GSN: variants seen among roughly 807,000 people sequenced by gnomAD.
GSN encodes actin-depolymerizing factor.
In GSN, 56 loss-of-function variants were observed where a neutral mutation model predicts 85.7. That is an observed-to-expected ratio of 0.65 (90% CI 0.53 to 0.82). The LOEUF is 0.82. Ranked by LOEUF, GSN falls within the 40% of genes least tolerant of loss-of-function variation. GSN has a pLI of 0.00. For synonymous variants in GSN, 373 were observed against 399.1 expected (o/e 0.93, Z 0.78); for missense variants, 857 against 979.8 (o/e 0.87, Z 1.67).
upstream of GSN, among the ~76,000 whole-genome samples, chr9:121,205,626 CAG>C (rs376184173): frequency 6.6e-6 from 1 of 152,222 alleles, no homozygotes; most frequent in African/African-American, 2.4e-5. Flanking sequence ...AAGTGTCCAT[CAG>C]AGAGGAGTGT....
At chr9:121,330,838 G>A (rs1246242398) in intron 16 of GSN, among the ~76,000 whole-genome samples, 1 of 152,046 alleles carries the variant, frequency 6.6e-6, no homozygotes, top group Non-Finnish European at 1.5e-5. Context: ...CATATTTGTT[G>A]GATAAATAAA....
rs544434229 is a variant in GSN at position 121,211,365 on chromosome 9, AAAAC to A, written c.-528+514_-528+517del. On this transcript the variant is annotated intron_variant, in intron 4 of 24. Transcript: ENST00000373823. ...CCACATAAAAAAGCATATGACAGCA[AAAAC>A]AAACAAACAAACAAAGCTGAAAAAA... 5.1e-4 allele frequency among the ~76,000 whole-genome samples: 77 copies of A among 152,354 alleles called. 1 individual carries two copies. In the East Asian group the frequency reaches 6.9e-3, roughly 14 times the overall value.
chr9:121,299,408 C>T lies in GSN; in HGVS notation c.-9-2555C>T, dbSNP rs891592859. ...AGTTGCTTCACCACTCTGCGCTGTT[C>T]CCCCCTCTGTAAAATGGGTTGGCCG... On this transcript the variant is annotated intron_variant, in intron 2 of 17. Transcript: ENST00000432226. The surrounding 1 kb of genome is among the most constrained non-coding windows in gnomAD (Gnocchi z 4.2). 1.3e-5 allele frequency: 13 copies of T among 974,372 alleles called. No individual in the cohort carries two copies. In the African/African-American group the frequency reaches 2.3e-4, roughly 17 times the overall value. 60.4% of individuals were successfully genotyped at this position (974,372 alleles called of 1,614,324 possible). A position where few individuals can be genotyped will look rare whatever the true frequency, so the allele number is the denominator to read the frequency against.
intron 6 of GSN, 194 bp downstream of exon 6, chr9:121,312,682 C>T: frequency 3.9e-6 from 2 of 512,918 alleles, no homozygotes; most frequent in Non-Finnish European, 6.7e-6. Flanking sequence ...AGCTGGAGTG[C>T]AGGGGCGCCA....
chr9:121,205,300 T>A (rs1454948517), upstream of GSN, among the ~76,000 whole-genome samples: 1 of 152,224 alleles, frequency 6.6e-6, no homozygotes, highest in Non-Finnish European at 1.5e-5. Flanking sequence ...AGACGCCTTC[T>A]TTCTGTCCCC....
chr9:121,238,740 G>A (rs1379006090), intron 5 of GSN: 11 of 443,258 alleles, frequency 2.5e-5, no homozygotes, highest in Non-Finnish European at 4.1e-5. Flanking sequence ...CTCATAGACA[G>A]TGTGATTTTC....
intron 2 of GSN, among the ~76,000 whole-genome samples, chr9:121,293,046 G>A (rs1008903927): frequency 2.0e-5 from 3 of 152,154 alleles, no homozygotes; most frequent in African/African-American, 4.8e-5. Flanking sequence ...TGGGAGGCTT[G>A]GGGACACAGA....
At chr9:121,321,234 T>C (rs1167088944) in intron 10 of GSN, 34 bp from the exon 11 acceptor site, 2 of 1,612,470 alleles carry the variant, frequency 1.2e-6, no homozygotes, top group Middle Eastern at 1.7e-4. Flanking sequence ...GTGGGGGTGC[T>C]GCACAGCATC....
At chr9:121,212,275 A>G (rs1433258743) in intron 4 of GSN, among the ~76,000 whole-genome samples, 2 of 152,030 alleles carry the variant, frequency 1.3e-5, no homozygotes, top group East Asian at 1.9e-4. Context: ...TTAAATTCCA[A>G]CTCTGCAGTT....
chr9:121,299,798 G>T lies in GSN; in HGVS notation c.-9-2165G>T. 1 of 1,263,572 alleles carries T rather than the reference G, an allele frequency of 7.9e-7. No individual in the cohort carries two copies. The allele number at this position is 1,263,572 out of a possible 1,614,324, so 78.3% of individuals were successfully genotyped here. On this transcript the variant is annotated intron_variant, in intron 2 of 17. Transcript: ENST00000432226. This position sits in a 1 kb window ranked among gnomAD's most constrained non-coding sequence, Gnocchi z 4.2. Reference sequence around the variant, plus strand: ...CCGGCTTGGGCGGGATGGGCGGGCGGCTACTTAAGGTCGGCGACCCGAGGC... The same window carrying T: ...CCGGCTTGGGCGGGATGGGCGGGCGTCTACTTAAGGTCGGCGACCCGAGGC...
intron 6 of GSN, among the ~76,000 whole-genome samples, chr9:121,248,791 G>A (rs1202604621): frequency 7.6e-6 from 1 of 131,156 alleles, no homozygotes; most frequent in African/African-American, 2.4e-5. Context: ...TTGGTGGGGT[G>A]GGCAGGGGAG....
chr9:121,221,775 C>T (rs2054174310), intron 4 of GSN, among the ~76,000 whole-genome samples: 1 of 152,198 alleles, frequency 6.6e-6, no homozygotes, highest in Non-Finnish European at 1.5e-5. Flanking sequence ...AGCACATAGT[C>T]AAAGAGGCTG....
chr9:121,324,361 G>A (rs902175688), intron 11 of GSN, among the ~76,000 whole-genome samples, 193 bp from the exon 12 acceptor site: 1 of 152,196 alleles, frequency 6.6e-6, no homozygotes, highest in African/African-American at 2.4e-5. Flanking sequence ...CTCTGTAAGC[G>A]GGCAAGATGC....
At chr9:121,326,411 C>A (rs1156833363) in intron 12 of GSN, 101 bp from the exon 13 acceptor site, 4 of 945,466 alleles carry the variant, frequency 4.2e-6, no homozygotes, top group Non-Finnish European at 6.7e-6. Context: ...CACACAGACA[C>A]AAGCATGATG....
intron 1 of GSN, among the ~76,000 whole-genome samples, chr9:121,270,378 T>C (rs1288539214): frequency 1.3e-5 from 2 of 152,162 alleles, no homozygotes; most frequent in Non-Finnish European, 2.9e-5. Flanking sequence ...ACGAGGCTGA[T>C]CTGGAGGCAG....
Position 121,321,380 on chromosome 9 carries a change from A to G in GSN, c.1304A>G (p.Gln435Arg). Residue 435 changes from glutamine (Q) to arginine (R), a missense_variant, in exon 11 of 18, where the codon CAG (glutamine) becomes CGG (arginine). Transcript: ENST00000432226. ...ILYNYRHGGR[Q>R]GQIIYNWQGA... ...TACAACTACCGCCATGGTGGCCGCC[A>G]GGGGCAGATAATCTATAACTGGTGA... The G allele has an allele frequency of 1.2e-6, 2 of 1,614,126 alleles. No individual in the cohort carries two copies. Among genetic ancestry groups the G allele is most frequent in the Non-Finnish European group, 1.7e-6 (2 of 1,179,990 alleles).
chr9:121,295,770 G>C lies in GSN; in HGVS notation c.-9-6193G>C, dbSNP rs1196931093. Among the ~76,000 whole-genome samples, 3 of 152,198 alleles carry C rather than the reference G, an allele frequency of 2.0e-5. 1 individual carries two copies. Among genetic ancestry groups the C allele is most frequent in the Non-Finnish European group, 2.9e-5 (2 of 68,022 alleles). The stretch of plus-strand genomic sequence containing the variant: ...GGCAGACACAGAGAATCTGCCTACT[G>C]TGTGCCTGGAGCTGGGCAGGATCCA... On this transcript the variant is annotated intron_variant, in intron 2 of 17. Transcript: ENST00000432226.
chr9:121,311,495 G>A (rs1206309651), intron 5 of GSN: 1 of 157,666 alleles, frequency 6.3e-6, no homozygotes, highest in Non-Finnish European at 1.4e-5. Flanking sequence ...GGCACACAGA[G>A]GAGTGTGTGA....
upstream of GSN, chr9:121,203,124 C>CA (rs1178601046): frequency 8.2e-3 from 793 of 97,162 alleles, 4 homozygotes; most frequent in African/African-American, 0.017. Context: ...GAGACTGTCT[C>CA]AAAAAAAAAA....
Sources: allele counts gnomAD v4.1 joint callset (sites outside exome capture counted in the v4.1 genomes callset), GRCh38; gene constraint gnomAD v4.1.1; non-coding constraint Gnocchi (gnomAD v3.1); transcripts MANE v1.5; gene names NCBI Gene and HGNC (gene_info 2026-07-23, HGNC 2026-07-21).